The following CAST variants were observed in gnomAD, a reference collection of about 807,000 sequenced individuals.
CAST encodes the protein calpastatin.
In CAST, 76 loss-of-function variants were observed where a neutral mutation model predicts 119.6. The ratio of observed to expected loss-of-function variants is 0.64; its 90% CI spans 0.53 to 0.77. The LOEUF (loss-of-function observed/expected upper bound fraction) is 0.77, where lower values mean the gene tolerates loss of function less well. CAST is among the 30% of genes least tolerant of loss of function. The pLI, the probability that CAST is intolerant of heterozygous loss-of-function variation, is 0.00. For synonymous variants in CAST, 319 were observed against 331.6 expected, an observed-to-expected ratio of 0.96 and a Z score of 0.41; for missense variants, 953 against 946.5, an observed-to-expected ratio of 1.01 and a Z score of -0.09.
chr5:96,198,704 G>A, the CAST span, among the ~76,000 whole-genome samples: 1 of 152,058 alleles, frequency 6.6e-6, no homozygotes, highest in Admixed American at 6.6e-5. Flanking sequence ...TCATTATGAA[G>A]CCCAATAATG....
intron 3 of CAST, chr5:96,702,904 T>G: frequency 1.0e-6 from 1 of 985,476 alleles, no homozygotes; most frequent in South Asian, 4.7e-5. Context: ...CGGGGTCCGG[T>G]GTCCACGCAG....
chr5:96,446,629 C>A, the CAST span, among the ~76,000 whole-genome samples: 1 of 152,312 alleles, frequency 6.6e-6, no homozygotes, highest in African/African-American at 2.4e-5. Flanking sequence ...TTAAATCTCA[C>A]TGTGGAGATG....
At chr5:96,378,245 T>C in the CAST span, among the ~76,000 whole-genome samples, 1 of 152,160 alleles carries the variant, frequency 6.6e-6, no homozygotes. Flanking sequence ...TCTGGAGCTC[T>C]AACGTACAGT....
Position 96,750,654 on chromosome 5 carries a change from A to T in CAST, c.1496A>T (p.Gln499Leu). The T allele has an allele frequency of 6.2e-7, 1 of 1,613,340 alleles. No individual in the cohort carries two copies. Among genetic ancestry groups the T allele is most frequent in the Non-Finnish European group, 8.5e-7 (1 of 1,179,432 alleles). Residue 499 changes from glutamine to leucine, a missense_variant, in exon 20 of 32, where the codon CAG (glutamine) becomes CTG (leucine). Coordinates refer to ENST00000675179, the MANE Select transcript of CAST (RefSeq NM_001750.7). ...AVCRTSMCSIQSAPPEPATLK... is the reference protein window; with the variant it reads ...AVCRTSMCSILSAPPEPATLK... ...TGTCGGACCTCCATGTGTAGTATAC[A>T]GTCAGCACCCCCTGAGCCGGCTACC...
the CAST span, among the ~76,000 whole-genome samples, chr5:96,348,051 T>C: frequency 2.0e-5 from 3 of 152,178 alleles, no homozygotes; most frequent in Non-Finnish European, 4.4e-5. Context: ...AGTAAAGGAT[T>C]ATTTCATTGA....
At chr5:96,089,766 A>C in the CAST span, among the ~76,000 whole-genome samples, 1 of 152,234 alleles carries the variant, frequency 6.6e-6, no homozygotes, top group East Asian at 1.9e-4. Flanking sequence ...CTTACTTTTC[A>C]CTGTATGCTT....
chr5:96,023,839 T>G, the CAST span, among the ~76,000 whole-genome samples: 5 of 152,214 alleles, frequency 3.3e-5, no homozygotes, highest in African/African-American at 1.2e-4. Flanking sequence ...GATGAAATTT[T>G]TTGTTTCCAA....
rs772841929 is a variant in CAST at position 96,736,221 on chromosome 5, C to T, written c.680C>T (p.Pro227Leu). 1.7e-5 allele frequency: 28 copies of T among 1,611,246 alleles called. No individual in the cohort carries two copies. Among genetic ancestry groups the T allele is most frequent in the South Asian group, 8.8e-5 (8 of 90,936 alleles). Residue 227 changes from proline (P) to leucine (L), a missense_variant, in exon 10 of 32, where the codon CCG becomes CTG. By Grantham distance (98) the Pro-to-Leu change is moderately conservative. Coordinates refer to ENST00000675179, the MANE Select transcript of CAST (RefSeq NM_001750.7). ...LTPAVPVESK[P>L]DKPSGKSGMD... ...CCAGCTGTGCCAGTTGAATCTAAAC[C>T]GGATAAACCATCGGGAAAGGTATGA... is the stretch of plus-strand genomic sequence containing the variant.
chr5:96,608,256 G>A (rs568997891), intron 1 of CAST, among the ~76,000 whole-genome samples: 1 of 152,270 alleles, frequency 6.6e-6, no homozygotes, highest in Admixed American at 6.5e-5. Flanking sequence ...GTTCATCAAT[G>A]TTGTACCAAA....
chr5:96,201,107 TG>T, the CAST span, among the ~76,000 whole-genome samples: 1 of 152,124 alleles, frequency 6.6e-6, no homozygotes, highest in African/African-American at 2.4e-5. Context: ...TTCAAAGAGA[TG>T]TTTAGAATTA....
chr5:96,658,108 A>C (rs371355652), upstream of CAST, among the ~76,000 whole-genome samples: 307 of 152,160 alleles, frequency 2.0e-3, 14 homozygotes, highest in South Asian at 0.061. Flanking sequence ...GAAAAAAAAA[A>C]ATGTAATTTT....
the CAST span, among the ~76,000 whole-genome samples, chr5:96,061,491 ACAG>A: frequency 5.0e-4 from 76 of 152,272 alleles, no homozygotes; most frequent in African/African-American, 1.7e-3. Context: ...TGGCCAGCTA[ACAG>A]AGAAGAAAAA....
chr5:96,407,926 C>T, the CAST span, among the ~76,000 whole-genome samples: 1 of 152,088 alleles, frequency 6.6e-6, no homozygotes, highest in African/African-American at 2.4e-5. Context: ...TTTTAAAGGT[C>T]AAAGCATATT....
At chr5:96,008,434 T>C in the CAST span, among the ~76,000 whole-genome samples, 1 of 152,232 alleles carries the variant, frequency 6.6e-6, no homozygotes, top group African/African-American at 2.4e-5. Flanking sequence ...GTCAACAACC[T>C]AGGTGAACAC....
the CAST span, among the ~76,000 whole-genome samples, chr5:96,274,391 A>C: frequency 2.6e-5 from 4 of 152,010 alleles, no homozygotes; most frequent in Non-Finnish European, 5.9e-5. Flanking sequence ...CACGAGCCAC[A>C]GCTCCCAGCC....
the CAST span, among the ~76,000 whole-genome samples, chr5:96,183,160 AAATAAT>A: frequency 4.6e-3 from 663 of 143,264 alleles, 5 homozygotes; most frequent in East Asian, 8.4e-3. Context: ...AAAATAAATA[AAATAAT>A]AATAATAATA....
At chr5:96,565,066 C>G (rs1746442712) in intron 1 of CAST, among the ~76,000 whole-genome samples, 1 of 106,050 alleles carries the variant, frequency 9.4e-6, no homozygotes, top group African/African-American at 3.8e-5. Flanking sequence ...AGTATAAAAA[C>G]ACATGGGAAA....
At chr5:96,113,782 A>G in the CAST span, among the ~76,000 whole-genome samples, 1 of 152,222 alleles carries the variant, frequency 6.6e-6, no homozygotes, top group African/African-American at 2.4e-5. Context: ...GTTCTAAATA[A>G]GGAGATTTAT....
At position 96,740,839 on chromosome 5, in the gene CAST, G is replaced by C. The variant is rs1032266756; in HGVS notation, c.918+56G>C. On this transcript the variant is annotated intron_variant, in intron 13 of 31. Coordinates refer to ENST00000675179, the MANE Select transcript of CAST (RefSeq NM_001750.7). Reference sequence around the variant, plus strand: ...ATTAATAGTTTTATATTTTTGGCTGGGGGAACAGGGCTATCAATTCTATAT... The same window carrying C: ...ATTAATAGTTTTATATTTTTGGCTGCGGGAACAGGGCTATCAATTCTATAT... The C allele has an allele frequency of 1.0e-4, 112 of 1,110,132 alleles. 4 individuals are homozygous for C. The Admixed American group carries it at 1.2e-3, about 12-fold the overall frequency. The allele number at this position is 1,110,132 out of a possible 1,614,324, so 68.8% of individuals were successfully genotyped here.
Sources: gnomAD v4.1 joint callset for allele counts (sites outside exome capture counted in the v4.1 genomes callset) on GRCh38, gnomAD v4.1.1 for gene constraint, MANE v1.5 for transcripts, NCBI Gene and HGNC (gene_info 2026-07-23, HGNC 2026-07-21) for gene names.